Variants in CAPN7 observed in about 807,000 individuals in gnomAD.
CAPN7 encodes calpain 7.
CAPN7 carries 72 observed loss-of-function variants against 115.2 expected under a neutral mutation model. The ratio of observed to expected loss-of-function variants is 0.63; its 90% CI spans 0.52 to 0.76. The LOEUF is 0.76. Ranked by LOEUF, CAPN7 falls within the 30% of genes least tolerant of loss-of-function variation. The pLI, the probability that CAPN7 is intolerant of heterozygous loss-of-function variation, is 0.00. For synonymous variants in CAPN7, 344 were observed against 322.3 expected (o/e 1.07, Z -0.72); for missense variants, 905 against 971.5 (o/e 0.93, Z 0.91).
intron 12 of CAPN7, 72 bp downstream of exon 12, chr3:15,235,217 C>A: frequency 2.2e-6 from 3 of 1,369,412 alleles, no homozygotes; most frequent in South Asian, 1.4e-5. Context: ...GATAATTTAT[C>A]AGACTTCTGA....
intron 14 of CAPN7, 35 bp downstream of exon 14, chr3:15,240,888 A>T: frequency 1.6e-6 from 2 of 1,265,946 alleles, no homozygotes; most frequent in Non-Finnish European, 2.3e-6. Context: ...ATGCTTTATA[A>T]TAGCATCCAC....
At chr3:15,241,773 C>G (rs1005163193) in intron 15 of CAPN7, among the ~76,000 whole-genome samples, 185 bp downstream of exon 15, 23 of 152,110 alleles carry the variant, frequency 1.5e-4, no homozygotes, top group African/African-American at 5.3e-4. Flanking sequence ...CACTTAAAAT[C>G]TTGTTCAAAA....
chr3:15,248,217 C>T (rs569972976), intron 19 of CAPN7, among the ~76,000 whole-genome samples: 3 of 151,932 alleles, frequency 2.0e-5, no homozygotes, highest in African/African-American at 7.3e-5. Flanking sequence ...AATAAAAACA[C>T]ATTATAAAGG....
chr3:15,209,485 T>G (rs1024035648), intron 1 of CAPN7, among the ~76,000 whole-genome samples: 8 of 152,216 alleles, frequency 5.3e-5, no homozygotes, highest in Non-Finnish European at 8.8e-5. Flanking sequence ...CCCTTAATAT[T>G]TATGCTAGGA....
chr3:15,207,935 A>G (rs992242144), intron 1 of CAPN7, among the ~76,000 whole-genome samples: 1 of 152,208 alleles, frequency 6.6e-6, no homozygotes, highest in East Asian at 1.9e-4. Flanking sequence ...ATAGTTGTTG[A>G]TTATCAAGTA....
Position 15,241,518 on chromosome 3 carries a change from A to T in CAPN7, c.1718A>T (p.Lys573Ile). Reference sequence around the variant, plus strand: ...AGCCTGGCCAACAACCCCCAGTACAAACTGGAGGTGCAGTGTCCACAGGGG... The same window carrying T: ...AGCCTGGCCAACAACCCCCAGTACATACTGGAGGTGCAGTGTCCACAGGGG... ...AYSLANNPQY[K>I]LEVQCPQGGA... Residue 573 changes from lysine (K) to isoleucine (I), a missense_variant, in exon 15 of 21, where the codon AAA becomes ATA. Lys to Ile is a moderately radical substitution (Grantham distance 102). Transcript: ENST00000253693. 6.2e-7 allele frequency: 1 copy of T among 1,613,982 alleles called. No individual in the cohort carries two copies. Among genetic ancestry groups the T allele is most frequent in the Non-Finnish European group, 8.5e-7 (1 of 1,179,836 alleles).
At chr3:15,208,892 A>G (rs1182878722) in intron 1 of CAPN7, among the ~76,000 whole-genome samples, 4 of 152,242 alleles carry the variant, frequency 2.6e-5, no homozygotes, top group Non-Finnish European at 4.4e-5. Context: ...TTCTTTTAGA[A>G]AGATTATCAG....
At chr3:15,249,006 C>CAAAAAAAAAAAAAAAAA (rs1460568964) in intron 19 of CAPN7, among the ~76,000 whole-genome samples, 24 of 50,672 alleles carry the variant, frequency 4.7e-4, no homozygotes, top group East Asian at 1.1e-3. Context: ...ATACAACAAC[C>CAAAAAAAAAAAAAAAAA]AAAAAAAAAA....
In CAPN7 at chr3:15,227,921, A is replaced by T; in HGVS notation, c.808A>T (p.Asn270Tyr). ...KWVRPEDLTN[N>Y]PTMIYTVSSF... ...GGTACGACCAGAAGACCTCACCAACAATCCTACAATGATATATACTGTGTC... is the reference window on the plus strand; with the variant it reads ...GGTACGACCAGAAGACCTCACCAACTATCCTACAATGATATATACTGTGTC... Residue 270 changes from asparagine (N) to tyrosine (Y), a missense_variant, in exon 7 of 21, where the codon AAT becomes TAT. Transcript: ENST00000253693. 1 of 1,550,318 alleles carries T rather than the reference A, an allele frequency of 6.5e-7. No individual in the cohort carries two copies. Among genetic ancestry groups the T allele is most frequent in the Non-Finnish European group, 8.7e-7 (1 of 1,147,590 alleles).
chr3:15,241,625 T>A (rs559642788), intron 15 of CAPN7, 37 bp downstream of exon 15: 2 of 1,584,390 alleles, frequency 1.3e-6, no homozygotes, highest in East Asian at 2.2e-5. Flanking sequence ...CATACAGAAA[T>A]TTTTTTAATA....
At position 15,251,384 on chromosome 3, in the gene CAPN7, C is replaced by T. The variant is rs998337050; in HGVS notation, c.*124C>T. ...GAATTAAATCTCTAAAAACGTGTTA[C>T]AGTGGAATCTGGTGCTTGTCAGGGT... On this transcript the variant is annotated 3_prime_UTR_variant, in exon 21 of 21. Coordinates refer to ENST00000253693, the MANE Select transcript of CAPN7 (RefSeq NM_014296.3). The T allele has an allele frequency of 4.9e-6, 4 of 820,508 alleles. No individual in the cohort carries two copies. Among genetic ancestry groups the T allele is most frequent in the Non-Finnish European group, 7.6e-6 (4 of 526,576 alleles). The allele number at this position is 820,508 out of a possible 1,614,324, so 50.8% of individuals were successfully genotyped here. A position where few individuals can be genotyped will look rare whatever the true frequency, so the allele number is the denominator to read the frequency against.
chr3:15,234,038 G>A, intron 11 of CAPN7, 65 bp downstream of exon 11: 3 of 870,580 alleles, frequency 3.4e-6, no homozygotes, highest in Non-Finnish European at 5.6e-6. Flanking sequence ...CATGCTGGCT[G>A]GGCGTGGTGG....
At chr3:15,211,123 T>C (rs1365267532) in intron 1 of CAPN7, among the ~76,000 whole-genome samples, 1 of 152,246 alleles carries the variant, frequency 6.6e-6, no homozygotes, top group African/African-American at 2.4e-5. Flanking sequence ...AAATCTGCTT[T>C]AAAATGTGTC....
chr3:15,220,920 A>T lies in CAPN7; in HGVS notation c.577A>T (p.Ser193Cys). 1 of 1,614,178 alleles carries T rather than the reference A, an allele frequency of 6.2e-7. No homozygotes were observed. The highest frequency in any genetic ancestry group is 1.3e-5 in the African/African-American group (1 of 75,054). ...PFLERPQSFI[S>C]PQSCDAQGQR... ...CCTTGAAAGACCTCAGTCATTTATA[A>T]GTCCTCAGTCATGTGATGCACAAGG... Residue 193 changes from serine (S) to cysteine (C), a missense_variant, in exon 5 of 21, where the codon AGT becomes TGT. This residue lies in a region of CAPN7 where 271 missense variants were observed against 239.6 expected (regional missense o/e 1.13). Coordinates refer to ENST00000253693, the MANE Select transcript of CAPN7 (RefSeq NM_014296.3).
chr3:15,218,051 G>A (rs1249751059), intron 3 of CAPN7, among the ~76,000 whole-genome samples: 1 of 152,196 alleles, frequency 6.6e-6, no homozygotes, highest in African/African-American at 2.4e-5. Flanking sequence ...AGAGAGCAGT[G>A]TATTTGACAG....
chr3:15,234,473 A>C (rs1037796908), intron 11 of CAPN7, among the ~76,000 whole-genome samples: 1 of 152,184 alleles, frequency 6.6e-6, no homozygotes, highest in African/African-American at 2.4e-5. Flanking sequence ...ATCTTCCCTT[A>C]ATAGTTACAG....
intron 12 of CAPN7, among the ~76,000 whole-genome samples, chr3:15,239,011 T>C (rs1695183387): frequency 6.6e-6 from 1 of 152,128 alleles, no homozygotes; most frequent in South Asian, 2.1e-4. Flanking sequence ...TGCTCTCCTT[T>C]GTGCTCCTCT....
chr3:15,225,964 A>G (rs781133486), intron 6 of CAPN7, among the ~76,000 whole-genome samples: 4 of 152,226 alleles, frequency 2.6e-5, no homozygotes, highest in Non-Finnish European at 5.9e-5. Context: ...TCCAGAATTT[A>G]TCTTTCGCTA....
intron 1 of CAPN7, 120 bp downstream of exon 1, chr3:15,206,717 C>A (rs956140191): frequency 1.4e-6 from 1 of 706,956 alleles, no homozygotes; most frequent in African/African-American, 1.9e-5. Context: ...TTTCCCTCGT[C>A]CGCCTCCCGG....
Sources: gnomAD v4.1 joint callset for allele counts (sites outside exome capture counted in the v4.1 genomes callset) on GRCh38, gnomAD v4.1.1 for gene constraint, gnomAD v4.1.1 regional missense constraint, MANE v1.5 for transcripts, NCBI Gene and HGNC (gene_info 2026-07-23, HGNC 2026-07-21) for gene names.